BBX: variants seen among roughly 807,000 people sequenced by gnomAD.
BBX encodes the protein HMG box transcription factor BBX.
BBX carries 30 observed loss-of-function variants against 100.2 expected under a neutral mutation model. That is an observed-to-expected ratio of 0.30 (90% CI 0.22 to 0.41). The LOEUF (loss-of-function observed/expected upper bound fraction) is 0.41. Ranked by LOEUF, BBX falls within the 10% of genes least tolerant of loss-of-function variation. The pLI, the probability that BBX is intolerant of heterozygous loss-of-function variation, is 1.00. For synonymous variants in BBX, 376 were observed against 388.1 expected (o/e 0.97, Z 0.37); for missense variants, 1,023 against 1,129.8 (o/e 0.91, Z 1.35).
chr3:107,640,757 G>T (rs1034265428), intron 2 of BBX, among the ~76,000 whole-genome samples: 13 of 152,098 alleles, frequency 8.5e-5, no homozygotes, highest in African/African-American at 2.9e-4. Flanking sequence ...CGTCTCCCGG[G>T]TTCAAGTGAT....
At chr3:107,792,971 G>A (rs1483800006) in intron 15 of BBX, among the ~76,000 whole-genome samples, 2 of 151,934 alleles carry the variant, frequency 1.3e-5, no homozygotes, top group Non-Finnish European at 2.9e-5. Flanking sequence ...GGAAATCTGG[G>A]TTCTAGTCTC....
intron 17 of BBX, among the ~76,000 whole-genome samples, chr3:107,804,309 A>G (rs1477502901): frequency 6.6e-6 from 1 of 152,152 alleles, no homozygotes; most frequent in African/African-American, 2.4e-5. Context: ...TGTTCTATGT[A>G]CTCTGAAGAA....
chr3:107,582,213 A>G (rs1039185941), intron 2 of BBX, among the ~76,000 whole-genome samples: 7 of 148,278 alleles, frequency 4.7e-5, no homozygotes, highest in Non-Finnish European at 5.9e-5. Flanking sequence ...ATAATATTAT[A>G]TTTTTTGAAA....
chr3:107,776,752 A>C (rs2067351212), intron 12 of BBX, among the ~76,000 whole-genome samples: 2 of 152,272 alleles, frequency 1.3e-5, no homozygotes, highest in Non-Finnish European at 1.5e-5. Context: ...GTCTCAAGAG[A>C]CCTTATGAGT....
intron 10 of BBX, 22 bp from the exon 11 acceptor site, chr3:107,772,606 C>A (rs1487462225): frequency 6.5e-7 from 1 of 1,544,482 alleles, no homozygotes; most frequent in Non-Finnish European, 8.7e-7. Context: ...GGGTGCTCTC[C>A]CATTTTGTTT....
intron 2 of BBX, among the ~76,000 whole-genome samples, chr3:107,538,586 A>T (rs1006019208): frequency 2.0e-5 from 3 of 152,032 alleles, no homozygotes; most frequent in Non-Finnish European, 4.4e-5. Flanking sequence ...CTATATATAT[A>T]TTTTTTGATA....
chr3:107,546,842 C>T (rs1272995992), intron 2 of BBX, among the ~76,000 whole-genome samples: 1 of 152,130 alleles, frequency 6.6e-6, no homozygotes, highest in Non-Finnish European at 1.5e-5. Context: ...ATCCTCTCTA[C>T]TACTGCTGTA....
intron 2 of BBX, among the ~76,000 whole-genome samples, chr3:107,623,277 T>C (rs1311212036): frequency 6.6e-6 from 1 of 152,186 alleles, no homozygotes; most frequent in Non-Finnish European, 1.5e-5. Flanking sequence ...CTGGGATCAG[T>C]ATTCCGTCAG....
chr3:107,728,787 C>A lies in BBX; in HGVS notation c.428C>A (p.Ala143Glu). ...AKEYKDAFMK[A>E]NPGYKWCPTT... ...TAGTATAAGGATGCATTTATGAAAGCAAATCCTGGCTACAAATGGTGTCCT... is the reference window on the plus strand; with the variant it reads ...TAGTATAAGGATGCATTTATGAAAGAAAATCCTGGCTACAAATGGTGTCCT... The change falls in exon 6 of 18, where the codon GCA becomes GAA. Residue 143 changes from alanine to glutamate, a missense_variant. By Grantham distance (107) the Ala-to-Glu change is moderately radical. Transcript: ENST00000325805. The A allele has an allele frequency of 6.2e-7, 1 of 1,613,016 alleles. No homozygotes were observed. Among genetic ancestry groups the A allele is most frequent in the East Asian group, 2.2e-5 (1 of 44,860 alleles).
chr3:107,761,748 A>T (rs1285479530), intron 10 of BBX, among the ~76,000 whole-genome samples: 1 of 152,152 alleles, frequency 6.6e-6, no homozygotes, highest in Non-Finnish European at 1.5e-5. Context: ...AAAGGAGAAG[A>T]TTGCTAGCCA....
chr3:107,727,569 G>C (rs999874286), intron 5 of BBX, among the ~76,000 whole-genome samples: 11 of 151,926 alleles, frequency 7.2e-5, no homozygotes, highest in African/African-American at 2.7e-4. Context: ...ATATCTTACA[G>C]GTAAAAAAAT....
chr3:107,729,932 T>C (rs2063203333), intron 6 of BBX, among the ~76,000 whole-genome samples: 1 of 152,204 alleles, frequency 6.6e-6, no homozygotes, highest in South Asian at 2.1e-4. Flanking sequence ...AAAAATATTA[T>C]TTTAATCAGT....
chr3:107,563,906 G>T (rs1328823807), intron 2 of BBX, among the ~76,000 whole-genome samples: 1 of 152,100 alleles, frequency 6.6e-6, no homozygotes, highest in African/African-American at 2.4e-5. Context: ...TGTTTTGCCA[G>T]CCCATATCCA....
intron 2 of BBX, among the ~76,000 whole-genome samples, chr3:107,554,508 G>T (rs1055842015): frequency 1.3e-5 from 2 of 152,154 alleles, no homozygotes; most frequent in African/African-American, 2.4e-5. Flanking sequence ...ATTTCCAAGG[G>T]CATTTTGGCA....
chr3:107,575,292 G>C (rs574455479), intron 2 of BBX, among the ~76,000 whole-genome samples: 1 of 152,260 alleles, frequency 6.6e-6, no homozygotes, highest in South Asian at 2.1e-4. Flanking sequence ...TTTACCAAAT[G>C]ATGAGCTATT....
chr3:107,689,266 A>T (rs548926223), intron 3 of BBX, among the ~76,000 whole-genome samples: 14 of 152,314 alleles, frequency 9.2e-5, no homozygotes, highest in African/African-American at 2.9e-4. Context: ...AGGAAGTTGT[A>T]TGCTACTCTG....
intron 4 of BBX, chr3:107,716,402 A>G (rs2062105584): frequency 3.4e-6 from 2 of 594,876 alleles, no homozygotes; most frequent in South Asian, 2.1e-5. Context: ...ACAGGTTGCT[A>G]TAGAAACTAA....
intron 3 of BBX, among the ~76,000 whole-genome samples, chr3:107,697,061 G>A (rs2060659859): frequency 6.6e-6 from 1 of 151,640 alleles, no homozygotes; most frequent in Non-Finnish European, 1.5e-5. Context: ...GCTCCTTTAA[G>A]CACTTCTCTG....
rs116038131 is a variant in BBX at position 107,679,218 on chromosome 3, C to T, written c.-9-31234C>T. ...GCCATTTTCTTATTGAATATAAGAT[C>T]GCAAGTTGTAAAGTTTGTAGTCTAG... On this transcript the variant is annotated intron_variant, in intron 3 of 17. Transcript: ENST00000325805. Among the ~76,000 whole-genome samples the T allele has an allele frequency of 1.0e-2, 1,499 of 150,622 alleles. 26 individuals carry two copies. The highest frequency in any genetic ancestry group is 0.035 in the African/African-American group (1,444 of 40,988).
Sources: allele counts gnomAD v4.1 joint callset (sites outside exome capture counted in the v4.1 genomes callset), GRCh38; gene constraint gnomAD v4.1.1; transcripts MANE v1.5; gene names NCBI Gene and HGNC (gene_info 2026-07-23, HGNC 2026-07-21).